The following TENM3 variants were observed in gnomAD, a reference collection of about 807,000 sequenced individuals.
TENM3 encodes the protein teneurin-3.
TENM3 carries 63 observed loss-of-function variants against 255.1 expected under a neutral mutation model. The observed-to-expected ratio is 0.25, with a 90% CI of 0.20 to 0.30. The LOEUF is 0.30. Ranked by LOEUF, TENM3 falls within the 10% of genes least tolerant of loss-of-function variation. The pLI is 1.00. For missense variants in TENM3, 2,929 were observed against 3,461.1 expected, an observed-to-expected ratio of 0.85 and a Z score of 3.86; for synonymous variants, 1,306 against 1,322.3, an observed-to-expected ratio of 0.99 and a Z score of 0.27.
chr4:181,533,643 C>T, the TENM3 span, among the ~76,000 whole-genome samples: 7 of 151,832 alleles, frequency 4.6e-5, no homozygotes, highest in Admixed American at 1.3e-4. Context: ...ACACTAGGCA[C>T]GAGACAGATG....
intron 1 of TENM3, among the ~76,000 whole-genome samples, chr4:182,168,157 CAG>C (rs1381137567): frequency 1.3e-5 from 2 of 150,192 alleles, no homozygotes; most frequent in Non-Finnish European, 1.5e-5. Context: ...TTTTTCGAGA[CAG>C]GGTCTCACTG....
chr4:181,962,707 C>T, the TENM3 span, among the ~76,000 whole-genome samples: 164 of 152,266 alleles, frequency 1.1e-3, no homozygotes, highest in Non-Finnish European at 1.9e-3. Context: ...CAAAGTAAAG[C>T]CTACAGTCAC....
At chr4:182,560,747 A>T (rs944524649) in intron 3 of TENM3, among the ~76,000 whole-genome samples, 3 of 152,210 alleles carry the variant, frequency 2.0e-5, no homozygotes, top group African/African-American at 7.2e-5. Flanking sequence ...ACAGGGAAAC[A>T]AGGCAGTAGG....
chr4:182,187,028 A>G (rs1753207592), intron 1 of TENM3, among the ~76,000 whole-genome samples: 1 of 151,336 alleles, frequency 6.6e-6, no homozygotes, highest in Non-Finnish European at 1.5e-5. Flanking sequence ...GTTTGACTAT[A>G]TTATTTAATT....
At chr4:181,675,821 CTTCAA>C in the TENM3 span, among the ~76,000 whole-genome samples, 85,972 of 151,376 alleles carry the variant, frequency 0.57, 24,680 homozygotes, top group Non-Finnish European at 0.6. Flanking sequence ...AGTTGAACTT[CTTCAA>C]TTCAATTAGT....
chr4:182,702,581 T>A lies in TENM3; in HGVS notation c.2222-11506T>A, dbSNP rs965489963. ...TGCTAAGGCCCAATGCAAACTGTTCTACATTAATTATCATGTTTAATTCTC... is the reference window on the plus strand; with the variant it reads ...TGCTAAGGCCCAATGCAAACTGTTCAACATTAATTATCATGTTTAATTCTC... On this transcript the variant is annotated intron_variant, in intron 12 of 27. Transcript: ENST00000511685. Among the ~76,000 whole-genome samples, 40 of 152,196 alleles carry A rather than the reference T, an allele frequency of 2.6e-4. 2 individuals carry two copies. Among genetic ancestry groups the A allele is most frequent in the Non-Finnish European group, 2.9e-5 (2 of 68,032 alleles).
the TENM3 span, among the ~76,000 whole-genome samples, chr4:181,470,204 TA>T: frequency 6.6e-6 from 1 of 151,994 alleles, no homozygotes; most frequent in Admixed American, 6.6e-5. Context: ...TTTTAAACTC[TA>T]CAATAAATTA....
At chr4:182,603,850 A>G (rs573693823) in intron 4 of TENM3, among the ~76,000 whole-genome samples, 2 of 150,654 alleles carry the variant, frequency 1.3e-5, no homozygotes, top group South Asian at 4.3e-4. Flanking sequence ...GTTATAAGCT[A>G]TGAAGTTTAA....
intron 3 of TENM3, among the ~76,000 whole-genome samples, chr4:182,520,357 C>T (rs1348177871): frequency 6.6e-6 from 1 of 152,150 alleles, no homozygotes; most frequent in Non-Finnish European, 1.5e-5. Flanking sequence ...TCTGCATTAG[C>T]AGGTTCATTT....
chr4:181,769,406 G>A, the TENM3 span, among the ~76,000 whole-genome samples: 1 of 152,120 alleles, frequency 6.6e-6, no homozygotes, highest in African/African-American at 2.4e-5. Context: ...TTGACCTTGG[G>A]CGCTTTCACT....
the TENM3 span, among the ~76,000 whole-genome samples, chr4:181,657,186 C>A: frequency 6.6e-6 from 1 of 152,192 alleles, no homozygotes; most frequent in African/African-American, 2.4e-5. Context: ...CAGCATTATG[C>A]CAATGAGTTG....
intron 4 of TENM3, among the ~76,000 whole-genome samples, chr4:182,610,021 A>G (rs915493618): frequency 6.6e-6 from 1 of 152,212 alleles, no homozygotes; most frequent in Admixed American, 6.5e-5. Flanking sequence ...TTTTGTGACA[A>G]TTAGGTAGCT....
the TENM3 span, among the ~76,000 whole-genome samples, chr4:182,071,596 C>T: frequency 3.3e-5 from 5 of 152,128 alleles, no homozygotes; most frequent in East Asian, 7.7e-4. Context: ...CAGGTGCCTG[C>T]CACCACACCA....
At chr4:182,057,345 A>G in the TENM3 span, among the ~76,000 whole-genome samples, 1 of 151,826 alleles carries the variant, frequency 6.6e-6, no homozygotes, top group Non-Finnish European at 1.5e-5. Context: ...AAGAAAATAA[A>G]GAAGTTATAT....
intron 4 of TENM3, among the ~76,000 whole-genome samples, chr4:182,607,273 T>C (rs552379418): frequency 1.3e-5 from 2 of 152,338 alleles, no homozygotes; most frequent in South Asian, 4.1e-4. Context: ...CTGAGATATT[T>C]TTGTCTAATT....
At chr4:182,524,351 GC>G (rs1738901878) in intron 3 of TENM3, among the ~76,000 whole-genome samples, 2 of 119,594 alleles carry the variant, frequency 1.7e-5, no homozygotes, top group African/African-American at 6.3e-5. Flanking sequence ...ACACTGATGA[GC>G]TTTTTTTTTT....
At chr4:181,689,427 G>C in the TENM3 span, among the ~76,000 whole-genome samples, 1 of 152,154 alleles carries the variant, frequency 6.6e-6, no homozygotes, top group African/African-American at 2.4e-5. Flanking sequence ...TGGTTTCCCT[G>C]CTGGTCTTCA....
At chr4:181,551,914 C>A in the TENM3 span, among the ~76,000 whole-genome samples, 1 of 144,266 alleles carries the variant, frequency 6.9e-6, no homozygotes, top group South Asian at 2.3e-4. Flanking sequence ...TGTATTCTTT[C>A]CAGCAAATAT....
the TENM3 span, among the ~76,000 whole-genome samples, chr4:182,006,549 A>T: frequency 6.6e-6 from 1 of 151,810 alleles, no homozygotes; most frequent in East Asian, 1.9e-4. Flanking sequence ...GGTAGTTTGT[A>T]TTTCTGTGGC....
Sources: allele counts gnomAD v4.1 joint callset (sites outside exome capture counted in the v4.1 genomes callset), GRCh38; gene constraint gnomAD v4.1.1; transcripts MANE v1.5; gene names NCBI Gene and HGNC (gene_info 2026-07-23, HGNC 2026-07-21).